NBAS: variants seen among roughly 807,000 people sequenced by gnomAD.
The protein encoded by NBAS is NBAS subunit of NRZ tethering complex.
A neutral mutation model predicts 302.5 loss-of-function variants in NBAS; 219 were observed. The ratio of observed to expected loss-of-function variants is 0.72; its 90% confidence interval spans 0.65 to 0.81. NBAS has a LOEUF of 0.81. Among genes scored for constraint, NBAS ranks in the 30% least tolerant of loss-of-function variants. The pLI is 0.00. For missense variants in NBAS, 2,932 were observed against 2,841.6 expected (o/e 1.03, Z -0.72); for synonymous variants, 1,118 against 1,021.6 (o/e 1.09, Z -1.80).
chr2:14,795,154 T>C, the NBAS span, among the ~76,000 whole-genome samples: 1 of 152,220 alleles, frequency 6.6e-6, no homozygotes, highest in Non-Finnish European at 1.5e-5. Context: ...TAGGTGTGTG[T>C]GTAACTTTTG....
chr2:15,374,765 C>A (rs376999275), intron 30 of NBAS, 45 bp from the exon 31 acceptor site: 2 of 1,474,586 alleles, frequency 1.4e-6, no homozygotes, highest in Admixed American at 1.7e-5. Flanking sequence ...AACATATGTT[C>A]ACCTTTCTAT....
the NBAS span, among the ~76,000 whole-genome samples, chr2:14,908,994 C>T: frequency 2.6e-5 from 4 of 152,182 alleles, no homozygotes; most frequent in Admixed American, 6.5e-5. Context: ...TCTGACCCAT[C>T]TCTTTTTATA....
rs1446983492 is a variant in NBAS, at chr2:15,520,589, C to T, written c.747-9239G>A. ...CTGTGGGCCATATGGTCTCGCACAA[C>T]TACTAACTTATGTCAGAGCATAAAA... On this transcript the variant is annotated intron_variant, in intron 9 of 51. Transcript: ENST00000281513. Among the ~76,000 whole-genome samples, 6 of 151,390 alleles carry T rather than the reference C, an allele frequency of 4.0e-5. No homozygotes were observed. In the East Asian group the frequency reaches 1.2e-3, roughly 29 times the overall value.
At chr2:15,299,467 T>C (rs1279478866) in intron 40 of NBAS, among the ~76,000 whole-genome samples, 6 of 152,226 alleles carry the variant, frequency 3.9e-5, no homozygotes, top group African/African-American at 1.4e-4. Context: ...GGTAATATTA[T>C]TTCGAAAGTT....
chr2:14,950,323 G>A, the NBAS span, among the ~76,000 whole-genome samples: 1 of 152,122 alleles, frequency 6.6e-6, no homozygotes, highest in Non-Finnish European at 1.5e-5. Flanking sequence ...TCTCATCCAG[G>A]TCATTGCAAG....
At chr2:14,819,068 G>C in the NBAS span, among the ~76,000 whole-genome samples, 1 of 152,278 alleles carries the variant, frequency 6.6e-6, no homozygotes, top group South Asian at 2.1e-4. Context: ...GCCTCCCTCT[G>C]TCATAACCCT....
intron 31 of NBAS, among the ~76,000 whole-genome samples, chr2:15,374,172 T>C (rs1464213566): frequency 6.6e-6 from 1 of 152,180 alleles, no homozygotes; most frequent in African/African-American, 2.4e-5. Context: ...AAAAAATAGA[T>C]GGACGTAATA....
At chr2:14,966,887 C>G in the NBAS span, among the ~76,000 whole-genome samples, 6 of 152,156 alleles carry the variant, frequency 3.9e-5, no homozygotes, top group East Asian at 1.2e-3. Context: ...TGATCATCTA[C>G]GCAGAACATC....
chr2:15,506,412 C>T (rs1049979224), intron 10 of NBAS, among the ~76,000 whole-genome samples: 2 of 152,072 alleles, frequency 1.3e-5, no homozygotes, highest in Admixed American at 1.3e-4. Flanking sequence ...TGACTAATAA[C>T]ATACGAAGGG....
At chr2:15,003,928 T>C in the NBAS span, among the ~76,000 whole-genome samples, 1 of 152,244 alleles carries the variant, frequency 6.6e-6, no homozygotes, top group African/African-American at 2.4e-5. Context: ...AAATCGGCTT[T>C]ACTCTAGTGA....
intron 28 of NBAS, among the ~76,000 whole-genome samples, chr2:15,388,598 G>A (rs1322708359): frequency 6.6e-6 from 1 of 152,004 alleles, no homozygotes; most frequent in African/African-American, 2.4e-5. Flanking sequence ...TTGAACTCAG[G>A]TACATCCTAT....
At chr2:15,114,191 C>T in the NBAS span, among the ~76,000 whole-genome samples, 2 of 152,114 alleles carry the variant, frequency 1.3e-5, no homozygotes, top group Admixed American at 1.3e-4. Context: ...GGGCTGCCAT[C>T]ACCAAGTACC....
chr2:15,535,942 C>A (rs1401668269), intron 8 of NBAS, among the ~76,000 whole-genome samples: 2 of 152,138 alleles, frequency 1.3e-5, no homozygotes, highest in Admixed American at 6.5e-5. Context: ...TCGGAAGGGG[C>A]ATGAGGGAAC....
the NBAS span, among the ~76,000 whole-genome samples, chr2:14,924,504 C>T: frequency 6.6e-6 from 1 of 152,240 alleles, no homozygotes; most frequent in African/African-American, 2.4e-5. Context: ...CAGACATCAA[C>T]TTGAAACCTG....
At chr2:14,888,020 G>A in the NBAS span, among the ~76,000 whole-genome samples, 20 of 152,218 alleles carry the variant, frequency 1.3e-4, no homozygotes, top group Non-Finnish European at 4.4e-5. Context: ...GATTCTGGGG[G>A]TGGGGGCTGA....
intron 42 of NBAS, among the ~76,000 whole-genome samples, 174 bp from the exon 43 acceptor site, chr2:15,277,275 T>C (rs1403548523): frequency 6.6e-6 from 1 of 152,148 alleles, no homozygotes; most frequent in Non-Finnish European, 1.5e-5. Context: ...ACAAATGTGT[T>C]AGATGCCTAC....
the NBAS span, among the ~76,000 whole-genome samples, chr2:14,861,556 G>A: frequency 1.4e-4 from 21 of 152,166 alleles, no homozygotes; most frequent in Non-Finnish European, 2.8e-4. Context: ...TCACATTATT[G>A]CTTTCAAGGG....
intron 42 of NBAS, among the ~76,000 whole-genome samples, chr2:15,284,779 TA>T (rs1255746230): frequency 6.6e-6 from 1 of 152,252 alleles, no homozygotes; most frequent in Non-Finnish European, 1.5e-5. Flanking sequence ...GCCTTTTAAG[TA>T]AAGAACAGGC....
chr2:15,431,008 T>C (rs1426864904), intron 21 of NBAS, among the ~76,000 whole-genome samples: 3 of 151,504 alleles, frequency 2.0e-5, no homozygotes, highest in Non-Finnish European at 4.4e-5. Context: ...AGTTTCACCA[T>C]ATCAATCAGG....
Sources: allele counts gnomAD v4.1 joint callset (sites outside exome capture counted in the v4.1 genomes callset), GRCh38; gene constraint gnomAD v4.1.1; transcripts MANE v1.5; gene names NCBI Gene and HGNC (gene_info 2026-07-23, HGNC 2026-07-21).